ROBO3: variants seen among roughly 807,000 people sequenced by gnomAD.
The protein encoded by ROBO3 is roundabout guidance receptor 3.
ROBO3 carries 97 observed loss-of-function variants against 160.5 expected under a neutral mutation model. That is an observed-to-expected ratio of 0.60 (90% confidence interval 0.51 to 0.72). ROBO3 has a LOEUF of 0.72. ROBO3 is among the 30% of genes least tolerant of loss of function. The probability of loss-of-function intolerance (pLI) is 0.00; values close to 1 mark genes in which losing one functional copy is unlikely to be tolerated. For missense variants in ROBO3, 1,858 were observed against 1,846.5 expected, an observed-to-expected ratio of 1.01 and a Z score of -0.11; for synonymous variants, 780 against 746.2, an observed-to-expected ratio of 1.05 and a Z score of -0.74.
In ROBO3 at chr11:124,876,006, G is replaced by T; in HGVS notation, c.2474G>T (p.Gly825Val). ...TTTCACCTCAATCGATCTGCAGCAG[G>T]CTGGGCACGCTCCGCAATGCTCCGA... is the stretch of plus-strand genomic sequence containing the variant. ...SRFHLNRSAA[G>V]WARSAMLRGL... Residue 825 changes from glycine (G) to valine (V), a missense_variant, in exon 16 of 28, where the codon GGC (glycine) becomes GTC (valine). Gly to Val is a moderately radical substitution (Grantham distance 109). Coordinates refer to ENST00000397801, the MANE Select transcript of ROBO3 (RefSeq NM_022370.4). This position sits in a 1 kb window ranked among gnomAD's most constrained non-coding sequence, Gnocchi z 5.3. 1 of 1,601,030 alleles carries T rather than the reference G, an allele frequency of 6.2e-7. No individual in the cohort carries two copies. The highest frequency in any genetic ancestry group is 8.5e-7 in the Non-Finnish European group (1 of 1,174,192).
At chr11:124,879,721 G>T in intron 25 of ROBO3, 66 bp from the exon 26 acceptor site, 1 of 1,600,122 alleles carries the variant, frequency 6.2e-7, no homozygotes, top group East Asian at 2.3e-5. Context: ...GCCAGGGAAT[G>T]CAGGTGAGAG....
In ROBO3 at chr11:124,869,863, A is replaced by G; in HGVS notation, c.646-85A>G. On this transcript the variant is annotated intron_variant, in intron 3 of 27. Coordinates refer to ENST00000397801, the MANE Select transcript of ROBO3 (RefSeq NM_022370.4). The surrounding 1 kb of genome is among the most constrained non-coding windows in gnomAD (Gnocchi z 4.2). Reference sequence around the variant, plus strand: ...GCTGTGAGGATCAAATAAACTTTATACATATGTATATACACATATATTCAC... The same window carrying G: ...GCTGTGAGGATCAAATAAACTTTATGCATATGTATATACACATATATTCAC... 1 of 1,494,730 alleles carries G rather than the reference A, an allele frequency of 6.7e-7. No individual in the cohort carries two copies. Among genetic ancestry groups the G allele is most frequent in the Non-Finnish European group, 9.1e-7 (1 of 1,096,970 alleles). 92.6% of individuals were successfully genotyped at this position (1,494,730 alleles called of 1,614,324 possible).
At chr11:124,874,701 G>A in intron 12 of ROBO3, 87 bp from the exon 13 acceptor site, 1 of 1,448,146 alleles carries the variant, frequency 6.9e-7, no homozygotes, top group Non-Finnish European at 9.2e-7. Flanking sequence ...ACTAAGTGGA[G>A]CAGGGCAGAG....
In ROBO3 at chr11:124,876,517, G is replaced by C. The variant is rs1175003473; in HGVS notation, c.2779+57G>C. The stretch of plus-strand genomic sequence containing the variant: ...GGGAGGGAGCCAGGCGGCCCATGGG[G>C]AGGGGCAGGGGCTTAGCCGCTGGCG... On this transcript the variant is annotated intron_variant, in intron 17 of 27. Coordinates refer to ENST00000397801, the MANE Select transcript of ROBO3 (RefSeq NM_022370.4). This position sits in a 1 kb window ranked among gnomAD's most constrained non-coding sequence, Gnocchi z 5.3. 7.6e-7 allele frequency: 1 copy of C among 1,320,030 alleles called. No individual in the cohort carries two copies. The highest frequency in any genetic ancestry group is 3.7e-5 in the Admixed American group (1 of 26,768). 81.8% of individuals were successfully genotyped at this position (1,320,030 alleles called of 1,614,324 possible). A position where few individuals can be genotyped will look rare whatever the true frequency, so the allele number is the denominator to read the frequency against.
intron 5 of ROBO3, 144 bp downstream of exon 5, chr11:124,870,447 T>G (rs1478777558): frequency 2.7e-6 from 4 of 1,458,576 alleles, no homozygotes; most frequent in Non-Finnish European, 3.7e-6. Context: ...TCCTATCCAG[T>G]CCCCACCTCC....
rs967517257 is a variant in ROBO3, at chr11:124,865,858, G to T, written c.160+121G>T. The stretch of plus-strand genomic sequence containing the variant: ...CCGGGATTGAGTGGCGCCTCCCAGC[G>T]CCTCCCTGGGTCGTGGGGTCTAAGG... On this transcript the variant is annotated intron_variant, in intron 1 of 27. Transcript: ENST00000397801. The surrounding 1 kb of genome is among the most constrained non-coding windows in gnomAD (Gnocchi z 5.5). 4.3e-6 allele frequency: 5 copies of T among 1,152,876 alleles called. No homozygotes were observed. Among genetic ancestry groups the T allele is most frequent in the African/African-American group, 3.1e-5 (2 of 64,428 alleles). 71.4% of individuals were successfully genotyped at this position (1,152,876 alleles called of 1,614,324 possible). A position where few individuals can be genotyped will look rare whatever the true frequency, so the allele number is the denominator to read the frequency against.
At chr11:124,870,545 A>C in intron 5 of ROBO3, 56 bp from the exon 6 acceptor site, 1 of 1,609,954 alleles carries the variant, frequency 6.2e-7, no homozygotes, top group Non-Finnish European at 8.5e-7. Flanking sequence ...GTCCTGGGGG[A>C]GAGAGAAAGG....
chr11:124,873,362 C>T lies in ROBO3; in HGVS notation c.1589C>T (p.Ala530Val), dbSNP rs765662222. ...SCVAKSSTGE[A>V]TWSGWLKMRE... Reference sequence around the variant, plus strand: ...GTGGCCAAGAGTTCCACAGGGGAAGCCACATGGAGCGGCTGGCTTAAGATG... The same window carrying T: ...GTGGCCAAGAGTTCCACAGGGGAAGTCACATGGAGCGGCTGGCTTAAGATG... Residue 530 changes from alanine (A) to valine (V), a missense_variant, in exon 10 of 28, where the codon GCC becomes GTC. By Grantham distance (64) the Ala-to-Val change is moderately conservative. Coordinates refer to ENST00000397801, the MANE Select transcript of ROBO3 (RefSeq NM_022370.4). This position sits in a 1 kb window ranked among gnomAD's most constrained non-coding sequence, Gnocchi z 4.5. The T allele has an allele frequency of 9.9e-6, 16 of 1,612,564 alleles. No homozygotes were observed. The South Asian group carries it at 1.8e-4, about 18-fold the overall frequency.
chr11:124,872,264 C>A lies in ROBO3; in HGVS notation c.1159-117C>A. ...CCCAAGTTCACATCACTGCTGGAGA[C>A]AGACGATGAACTAGAATCATAGGAA... On this transcript the variant is annotated intron_variant, in intron 7 of 27. Transcript: ENST00000397801. This position sits in a 1 kb window ranked among gnomAD's most constrained non-coding sequence, Gnocchi z 4.3. 1.0e-6 allele frequency: 1 copy of A among 952,554 alleles called. No homozygotes were observed. The highest frequency in any genetic ancestry group is 1.7e-6 in the Non-Finnish European group (1 of 590,632). The allele number at this position is 952,554 out of a possible 1,614,324, so 59.0% of individuals were successfully genotyped here. A position where few individuals can be genotyped will look rare whatever the true frequency, so the allele number is the denominator to read the frequency against.
Position 124,881,461 on chromosome 11 carries a change from A to G in ROBO3, c.*211A>G. The G allele has an allele frequency of 3.5e-6, 2 of 572,714 alleles. No individual in the cohort carries two copies. The highest frequency in any genetic ancestry group is 6.2e-6 in the Non-Finnish European group (2 of 322,234). 35.5% of individuals were successfully genotyped at this position (572,714 alleles called of 1,614,324 possible). A position where few individuals can be genotyped will look rare whatever the true frequency, so the allele number is the denominator to read the frequency against. On this transcript the variant is annotated 3_prime_UTR_variant, in exon 28 of 28. Transcript: ENST00000397801. ...AAAACAAAACAATAAAAAGAGTCTG[A>G]TCAGAGCCCAGGGCCCTGTCTGTCT...
At chr11:124,875,016 G>C in intron 13 of ROBO3, 95 bp from the exon 14 acceptor site, 2 of 1,513,682 alleles carry the variant, frequency 1.3e-6, no homozygotes, top group Non-Finnish European at 1.8e-6. Context: ...TGGGGAAGGC[G>C]GCATGAGTGG....
rs1034669369 is a variant in ROBO3, at chr11:124,869,752, G to C, written c.645+145G>C. On this transcript the variant is annotated intron_variant, in intron 3 of 27. Transcript: ENST00000397801. This position sits in a 1 kb window ranked among gnomAD's most constrained non-coding sequence, Gnocchi z 4.2. ...AGTGAGGGATAAGGAAGACGGAATT[G>C]GTATAAAAAAGGGGCGGGGGCATGA... The C allele has an allele frequency of 1.6e-6, 2 of 1,268,760 alleles. No homozygotes were observed. Among genetic ancestry groups the C allele is most frequent in the Non-Finnish European group, 2.2e-6 (2 of 925,470 alleles). 78.6% of individuals were successfully genotyped at this position (1,268,760 alleles called of 1,614,324 possible). A position where few individuals can be genotyped will look rare whatever the true frequency, so the allele number is the denominator to read the frequency against.
In ROBO3 at chr11:124,876,374, G is replaced by T. The variant is rs527563280; in HGVS notation, c.2693G>T (p.Gly898Val). 14 of 1,442,104 alleles carry T rather than the reference G, an allele frequency of 9.7e-6. No individual in the cohort carries two copies. The East Asian group carries it at 4.0e-4, about 41-fold the overall frequency. 89.3% of individuals were successfully genotyped at this position (1,442,104 alleles called of 1,614,324 possible). A position where few individuals can be genotyped will look rare whatever the true frequency, so the allele number is the denominator to read the frequency against. ...GAGCCCGCCTTCCTCGCGGGCAGCG[G>T]CGCAGCCTGCGGGGCGCTGCTTCTC... ...LREPAFLAGS[G>V]AACGALLLGL... Residue 898 changes from glycine to valine, a missense_variant, in exon 17 of 28, where the codon GGC becomes GTC. Coordinates refer to ENST00000397801, the MANE Select transcript of ROBO3 (RefSeq NM_022370.4). This position sits in a 1 kb window ranked among gnomAD's most constrained non-coding sequence, Gnocchi z 5.3.
In ROBO3 at chr11:124,872,735, G is replaced by C; in HGVS notation, c.1331-149G>C. ...CTAATAATGGCTGGTCCTGGGCAGAGACTTCAGATGATTATCAAAGCCCCC... is the reference window on the plus strand; with the variant it reads ...CTAATAATGGCTGGTCCTGGGCAGACACTTCAGATGATTATCAAAGCCCCC... On this transcript the variant is annotated intron_variant, in intron 8 of 27. Coordinates refer to ENST00000397801, the MANE Select transcript of ROBO3 (RefSeq NM_022370.4). This position sits in a 1 kb window ranked among gnomAD's most constrained non-coding sequence, Gnocchi z 4.3. 1.1e-6 allele frequency: 1 copy of C among 916,520 alleles called. No individual in the cohort carries two copies. The highest frequency in any genetic ancestry group is 1.6e-6 in the Non-Finnish European group (1 of 625,014). The allele number at this position is 916,520 out of a possible 1,614,324, so 56.8% of individuals were successfully genotyped here.
In ROBO3 at chr11:124,869,037, C is replaced by G. The variant is rs770461876; in HGVS notation, c.396C>G (p.Arg132=). ...ALFFPRIVHG[R]RARPDEGVYT... ...TCTTCCCGCGCATCGTGCACGGGCG[C>G]CGCGCGCGGCCGGACGAAGGTGTCT... The change falls in exon 2 of 28, where the codon CGC becomes CGG. Residue 132 remains arginine (R), a synonymous_variant. Transcript: ENST00000397801. This position sits in a 1 kb window ranked among gnomAD's most constrained non-coding sequence, Gnocchi z 4.2. The G allele has an allele frequency of 1.2e-6, 2 of 1,602,062 alleles. No homozygotes were observed. The highest frequency in any genetic ancestry group is 1.7e-5 in the Admixed American group (1 of 58,448).
chr11:124,881,226 T>C lies in ROBO3; in HGVS notation c.4150-13T>C. ...AGGGTTTTACAAAACAGCATCTCTC[T>C]CTCTCTCCCTAGGAACCAAGATGAC... On this transcript the variant is annotated splice_polypyrimidine_tract_variant and intron_variant, in intron 27 of 27. Transcript: ENST00000397801. 1 of 1,604,974 alleles carries C rather than the reference T, an allele frequency of 6.2e-7. No homozygotes were observed. The highest frequency in any genetic ancestry group is 8.5e-7 in the Non-Finnish European group (1 of 1,175,594).
intron 12 of ROBO3, 142 bp downstream of exon 12, chr11:124,874,378 G>C (rs1395309972): frequency 1.3e-6 from 1 of 757,404 alleles, no homozygotes; most frequent in African/African-American, 1.8e-5. Flanking sequence ...GCCTGGAATA[G>C]GAGATCATGT....
chr11:124,870,765 G>A (rs759879447), intron 6 of ROBO3, 37 bp downstream of exon 6: 22 of 1,601,000 alleles, frequency 1.4e-5, no homozygotes, highest in Non-Finnish European at 1.5e-5. Context: ...CAGCAGGAAT[G>A]GTAGGAGGGG....
intron 1 of ROBO3, among the ~76,000 whole-genome samples, chr11:124,867,695 C>A (rs1946218065): frequency 1.3e-5 from 2 of 149,394 alleles, no homozygotes; most frequent in African/African-American, 4.9e-5. Flanking sequence ...AACAGAACTT[C>A]TAAGAGGGGG....
Sources: gnomAD v4.1 joint callset for allele counts (sites outside exome capture counted in the v4.1 genomes callset) on GRCh38, gnomAD v4.1.1 for gene constraint, Gnocchi (gnomAD v3.1) non-coding constraint, MANE v1.5 for transcripts, NCBI Gene and HGNC (gene_info 2026-07-23, HGNC 2026-07-21) for gene names.